RALYL: variants seen among roughly 807,000 people sequenced by gnomAD.
The protein encoded by RALYL is RALY RNA binding protein like, also known as RNA-binding Raly-like protein.
Under a neutral mutation model 35.1 loss-of-function variants are expected in RALYL, and 29 were observed. The ratio of observed to expected loss-of-function variants is 0.83; its 90% CI spans 0.61 to 1.13. RALYL has a LOEUF of 1.13. Among genes scored for constraint, RALYL ranks in the 50% most tolerant of loss-of-function variants. The pLI, the probability that RALYL is intolerant of heterozygous loss-of-function variation, is 0.00. For synonymous variants in RALYL, 120 were observed against 127.6 expected (o/e 0.94, Z 0.40); for missense variants, 359 against 360.4 (o/e 1.00, Z 0.03).
At chr8:84,433,841 GTGTA>G (rs201185051) in intron 1 of RALYL, among the ~76,000 whole-genome samples, 10,524 of 118,164 alleles carry the variant, frequency 0.089, 425 homozygotes, top group East Asian at 0.19. Context: ...GTATGTGTGT[GTGTA>G]TATATATATA....
At chr8:84,537,912 T>TTGTA (rs1315923597) in intron 2 of RALYL, among the ~76,000 whole-genome samples, 2 of 152,206 alleles carry the variant, frequency 1.3e-5, no homozygotes, top group African/African-American at 2.4e-5. Context: ...CTTCCAAGGT[T>TTGTA]TGTATGTATG....
intron 1 of RALYL, among the ~76,000 whole-genome samples, chr8:84,388,042 T>C (rs1327177761): frequency 1.3e-5 from 2 of 151,998 alleles, no homozygotes; most frequent in African/African-American, 4.8e-5. Flanking sequence ...CCTTCCTGTG[T>C]CCATGTGATC....
In RALYL at chr8:84,459,096, T is replaced by C. The variant is rs1267368549; in HGVS notation, c.-23-70203T>C. ...ATTAAGTCAAACAAATGCAAGCTAA[T>C]TTATAAATATTTTATAACATTTATT... On this transcript the variant is annotated intron_variant, in intron 1 of 8. Transcript: ENST00000521268. Among the ~76,000 whole-genome samples, 3 of 151,922 alleles carry C rather than the reference T, an allele frequency of 2.0e-5. No individual in the cohort carries two copies. In the South Asian group the frequency reaches 6.2e-4, roughly 32 times the overall value.
At chr8:84,717,382 A>C (rs554159763) in intron 2 of RALYL, among the ~76,000 whole-genome samples, 1 of 152,332 alleles carries the variant, frequency 6.6e-6, no homozygotes, top group East Asian at 1.9e-4. Flanking sequence ...GGAAGATACT[A>C]GCCTTTGATA....
At chr8:84,775,840 A>G (rs1419717754) in intron 3 of RALYL, among the ~76,000 whole-genome samples, 2 of 152,196 alleles carry the variant, frequency 1.3e-5, no homozygotes, top group Non-Finnish European at 2.9e-5. Flanking sequence ...CTGTTAAACC[A>G]TATGTCCCAC....
chr8:84,259,976 G>A (rs753229288), intron 1 of RALYL, among the ~76,000 whole-genome samples: 1 of 152,098 alleles, frequency 6.6e-6, no homozygotes, highest in East Asian at 1.9e-4. Context: ...AAAGGCTAAA[G>A]ATACAGAAGA....
At chr8:84,836,285 C>T (rs1832005361) in intron 4 of RALYL, among the ~76,000 whole-genome samples, 1 of 152,124 alleles carries the variant, frequency 6.6e-6, no homozygotes, top group African/African-American at 2.4e-5. Flanking sequence ...GTAAACTTGA[C>T]TCACAGCAAG....
chr8:84,495,194 C>T (rs996266487), intron 1 of RALYL, among the ~76,000 whole-genome samples: 3 of 151,838 alleles, frequency 2.0e-5, no homozygotes, highest in Non-Finnish European at 2.9e-5. Context: ...AGAAGAAACA[C>T]TAAGACCTCC....
At chr8:84,489,210 T>C (rs534087671) in intron 1 of RALYL, among the ~76,000 whole-genome samples, 2 of 152,182 alleles carry the variant, frequency 1.3e-5, no homozygotes, top group Admixed American at 1.3e-4. Flanking sequence ...TGGCTTTTCT[T>C]TCTTTTTCCT....
chr8:84,364,154 G>T (rs1187955054), intron 1 of RALYL, among the ~76,000 whole-genome samples: 1 of 152,154 alleles, frequency 6.6e-6, no homozygotes, highest in Non-Finnish European at 1.5e-5. Context: ...TCTGGAGCAT[G>T]CATTGCCTAA....
chr8:84,514,954 T>A (rs1353952543), intron 1 of RALYL, among the ~76,000 whole-genome samples: 1 of 152,190 alleles, frequency 6.6e-6, no homozygotes, highest in Non-Finnish European at 1.5e-5. Flanking sequence ...ACCTTAGAGA[T>A]AATCAGATAA....
chr8:84,563,253 G>A (rs1397340586), intron 2 of RALYL, among the ~76,000 whole-genome samples: 1 of 151,770 alleles, frequency 6.6e-6, no homozygotes, highest in African/African-American at 2.4e-5. Flanking sequence ...AGATTCCATA[G>A]CATCTTGGGT....
chr8:84,679,040 C>T, intron 2 of RALYL: 1 of 345,084 alleles, frequency 2.9e-6, no homozygotes. Context: ...TGGGATTTGG[C>T]TGCAAATAAG....
chr8:84,823,093 G>T (rs997047497), intron 4 of RALYL, among the ~76,000 whole-genome samples: 1 of 152,058 alleles, frequency 6.6e-6, no homozygotes, highest in African/African-American at 2.4e-5. Flanking sequence ...AAAACGTGTA[G>T]CATGTTTATA....
intron 1 of RALYL, among the ~76,000 whole-genome samples, chr8:84,427,255 C>A (rs1312589294): frequency 3.3e-5 from 5 of 152,176 alleles, no homozygotes; most frequent in Non-Finnish European, 5.9e-5. Context: ...AGCTTCCCTA[C>A]TAGACTTCCA....
At chr8:84,767,494 CT>C (rs1296284386) in intron 2 of RALYL, among the ~76,000 whole-genome samples, 1 of 152,014 alleles carries the variant, frequency 6.6e-6, no homozygotes, top group African/African-American at 2.4e-5. Context: ...TTTTTTTATA[CT>C]TTTTTCATGC....
chr8:84,346,867 T>C (rs1849928952), intron 1 of RALYL, among the ~76,000 whole-genome samples: 1 of 152,124 alleles, frequency 6.6e-6, no homozygotes, highest in Non-Finnish European at 1.5e-5. Flanking sequence ...ATAAGTATTC[T>C]AAAATAAGGA....
chr8:84,371,880 A>C (rs1324742722), intron 1 of RALYL, among the ~76,000 whole-genome samples: 3 of 152,096 alleles, frequency 2.0e-5, no homozygotes, highest in Non-Finnish European at 4.4e-5. Flanking sequence ...AGGAAATAAC[A>C]CAAACACACA....
rs960393785 is a variant in RALYL at position 84,550,778 on chromosome 8, G to A, written c.256+21201G>A. On this transcript the variant is annotated intron_variant, in intron 2 of 8. Coordinates refer to ENST00000521268, the MANE Select transcript of RALYL (RefSeq NM_173848.7). ...TCTGCAATGTTGAAAGTAAATTAAGGCTCATTATTAAAAAATAAAGTTTTC... is the reference window on the plus strand; with the variant it reads ...TCTGCAATGTTGAAAGTAAATTAAGACTCATTATTAAAAAATAAAGTTTTC... 2.0e-5 allele frequency among the ~76,000 whole-genome samples: 3 copies of A among 151,650 alleles called. No individual in the cohort carries two copies. The East Asian group carries it at 5.8e-4, about 29-fold the overall frequency.
Sources: gnomAD v4.1 joint callset for allele counts (sites outside exome capture counted in the v4.1 genomes callset) on GRCh38, gnomAD v4.1.1 for gene constraint, MANE v1.5 for transcripts, NCBI Gene and HGNC (gene_info 2026-07-23, HGNC 2026-07-21) for gene names.